NAV3: variants seen among roughly 807,000 people sequenced by gnomAD.
The protein encoded by NAV3 is pore membrane and/or filament interacting like protein 1.
NAV3 carries 87 observed loss-of-function variants against 244.7 expected under a neutral mutation model. The observed-to-expected ratio is 0.36, with a 90% CI of 0.30 to 0.42. The LOEUF is 0.42. NAV3 is among the 20% of genes least tolerant of loss of function. The pLI, the probability that NAV3 is intolerant of heterozygous loss-of-function variation, is 1.00. For missense variants in NAV3, 2,663 were observed against 2,893.3 expected (o/e 0.92, Z 1.83); for synonymous variants, 1,126 against 1,042.2 (o/e 1.08, Z -1.55).
chr12:78,062,212 G>T (rs1884425146), intron 12 of NAV3, among the ~76,000 whole-genome samples: 1 of 151,972 alleles, frequency 6.6e-6, no homozygotes, highest in Admixed American at 6.6e-5. Context: ...CATACTGTAG[G>T]AACTCAATAA....
intron 39 of NAV3, among the ~76,000 whole-genome samples, chr12:78,205,918 A>G (rs990782757): frequency 1.3e-5 from 2 of 152,166 alleles, no homozygotes; most frequent in Non-Finnish European, 2.9e-5. Flanking sequence ...TCAAACTAAG[A>G]CAAAACATAA....
chr12:77,633,268 C>G (rs1026329332), intron 2 of NAV3, among the ~76,000 whole-genome samples: 1 of 152,024 alleles, frequency 6.6e-6, no homozygotes, highest in African/African-American at 2.4e-5. Context: ...TTCACTTAAG[C>G]AGAATCGTTT....
chr12:78,050,749 C>T lies in NAV3; in HGVS notation c.2133-15C>T, dbSNP rs2137243306. The T allele has an allele frequency of 6.4e-7, 1 of 1,569,904 alleles. No homozygotes were observed. The highest frequency in any genetic ancestry group is 8.7e-7 in the Non-Finnish European group (1 of 1,153,544). ...GTGAACCAGAGTATAGTTATTTCTC[C>T]ATTTTATTTGACAGCACCCTGGAGA... On this transcript the variant is annotated splice_polypyrimidine_tract_variant and intron_variant, in intron 10 of 39. Coordinates refer to ENST00000397909, the MANE Select transcript of NAV3 (RefSeq NM_001024383.2).
chr12:77,593,280 C>G (rs79036700), intron 2 of NAV3, among the ~76,000 whole-genome samples: 4 of 149,040 alleles, frequency 2.7e-5, no homozygotes, highest in Admixed American at 2.0e-4. Context: ...GTATGTGTGT[C>G]TGTGTGTGTG....
chr12:78,145,413 GT>G (rs1357800118), intron 20 of NAV3, among the ~76,000 whole-genome samples: 4 of 152,164 alleles, frequency 2.6e-5, no homozygotes, highest in Non-Finnish European at 5.9e-5. Context: ...AGTTCAGGTA[GT>G]TTTGTGTCAA....
At chr12:78,097,307 G>A (rs1481659057) in intron 12 of NAV3, among the ~76,000 whole-genome samples, 1 of 152,132 alleles carries the variant, frequency 6.6e-6, no homozygotes, top group African/African-American at 2.4e-5. Context: ...CTATATCCAT[G>A]CTTGCAATAT....
At chr12:78,178,185 AG>A (rs1396676160) in intron 28 of NAV3, among the ~76,000 whole-genome samples, 1 of 147,242 alleles carries the variant, frequency 6.8e-6, no homozygotes, top group Admixed American at 6.8e-5. Context: ...TTTGAAACAA[AG>A]TCTCACTCTG....
chr12:77,856,505 T>G (rs1412701472), intron 1 of NAV3, among the ~76,000 whole-genome samples: 1 of 152,144 alleles, frequency 6.6e-6, no homozygotes, highest in Non-Finnish European at 1.5e-5. Flanking sequence ...TAAGACTATA[T>G]TTGGTTTAAC....
intron 2 of NAV3, among the ~76,000 whole-genome samples, chr12:77,735,164 T>C (rs1160260044): frequency 6.6e-6 from 1 of 152,080 alleles, no homozygotes; most frequent in Admixed American, 6.6e-5. Context: ...AAGAGGATAT[T>C]TAAAACTATA....
At chr12:77,901,821 G>A (rs1885334486) in intron 1 of NAV3, among the ~76,000 whole-genome samples, 1 of 152,158 alleles carries the variant, frequency 6.6e-6, no homozygotes, top group South Asian at 2.1e-4. Context: ...TCAAAGAGGA[G>A]GCATCTCTTC....
intron 23 of NAV3, 74 bp downstream of exon 23, chr12:78,159,360 G>C: frequency 7.6e-7 from 1 of 1,311,514 alleles, no homozygotes; most frequent in Non-Finnish European, 1.1e-6. Context: ...AATACCTGAA[G>C]CTCCTTAAAA....
chr12:77,866,812 C>A (rs563134673), intron 1 of NAV3, among the ~76,000 whole-genome samples: 1 of 152,296 alleles, frequency 6.6e-6, no homozygotes, highest in East Asian at 1.9e-4. Context: ...TAGTCAAATT[C>A]TTCCATGAAA....
Position 77,998,490 on chromosome 12 carries a change from AC to A in NAV3, c.880+15del. 3.8e-6 allele frequency: 6 copies of A among 1,590,782 alleles called. No homozygotes were observed. Among genetic ancestry groups the A allele is most frequent in the Non-Finnish European group, 5.1e-6 (6 of 1,170,684 alleles). Reference sequence around the variant, plus strand: ...GAAACGAAAAAGGTAAGTGTTTGTTACATCATTATGACACAAGTCCAACATG... The same window carrying A: ...GAAACGAAAAAGGTAAGTGTTTGTTAATCATTATGACACAAGTCCAACATG... On this transcript the variant is annotated intron_variant, in intron 7 of 39. Coordinates refer to ENST00000397909, the MANE Select transcript of NAV3 (RefSeq NM_001024383.2).
intron 3 of NAV3, among the ~76,000 whole-genome samples, chr12:77,942,306 A>T (rs1218135675): frequency 6.6e-6 from 1 of 152,136 alleles, no homozygotes; most frequent in Non-Finnish European, 1.5e-5. Context: ...AGGGAGGCGG[A>T]GGTTATGGTG....
chr12:78,065,766 T>G (rs762216242), intron 12 of NAV3, among the ~76,000 whole-genome samples: 2 of 151,998 alleles, frequency 1.3e-5, no homozygotes, highest in Non-Finnish European at 2.9e-5. Context: ...GCAGGGAAGG[T>G]AAGGAGAAAG....
intron 2 of NAV3, among the ~76,000 whole-genome samples, chr12:77,691,337 G>GTATATATATA (rs1182535904): frequency 9.6e-6 from 1 of 104,256 alleles, no homozygotes; most frequent in African/African-American, 3.5e-5. Flanking sequence ...GTGTATGTGT[G>GTATATATATA]TATATATATA....
At chr12:77,778,252 C>T (rs1193170458) in intron 2 of NAV3, among the ~76,000 whole-genome samples, 5 of 149,114 alleles carry the variant, frequency 3.4e-5, no homozygotes, top group Admixed American at 2.0e-4. Context: ...CCCCCCCGCC[C>T]CCCGTCCTTG....
At position 78,146,407 on chromosome 12, in the gene NAV3, T is replaced by C. The variant is rs777019693; in HGVS notation, c.4707+15T>C. ...CTCATTCAGAGGTAAAAAAAAAATA[T>C]GCAATATTTTAATATTTTCTATTTT... On this transcript the variant is annotated intron_variant, in intron 21 of 39. Coordinates refer to ENST00000397909, the MANE Select transcript of NAV3 (RefSeq NM_001024383.2). 7 of 1,041,232 alleles carry C rather than the reference T, an allele frequency of 6.7e-6. No homozygotes were observed. Among genetic ancestry groups the C allele is most frequent in the African/African-American group, 3.2e-5 (2 of 61,976 alleles). 64.5% of individuals were successfully genotyped at this position (1,041,232 alleles called of 1,614,324 possible). A position where few individuals can be genotyped will look rare whatever the true frequency, so the allele number is the denominator to read the frequency against.
chr12:77,743,516 T>C (rs1868385051), intron 2 of NAV3, among the ~76,000 whole-genome samples: 1 of 151,872 alleles, frequency 6.6e-6, no homozygotes, highest in South Asian at 2.1e-4. Context: ...CATAGATACA[T>C]CATTCAGAAT....
Sources: allele counts gnomAD v4.1 joint callset (sites outside exome capture counted in the v4.1 genomes callset), GRCh38; gene constraint gnomAD v4.1.1; transcripts MANE v1.5; gene names NCBI Gene and HGNC (gene_info 2026-07-23, HGNC 2026-07-21).